Variants in KLHDC1 observed in about 807,000 individuals in gnomAD.
The protein encoded by KLHDC1 is kelch domain containing 1.
KLHDC1 carries 53 observed loss-of-function variants against 68.3 expected under a neutral mutation model. The observed-to-expected ratio is 0.78, with a 90% CI of 0.62 to 0.98. The LOEUF is 0.98. Ranked by LOEUF, KLHDC1 falls within the 50% of genes least tolerant of loss-of-function variation. KLHDC1 has a pLI of 0.00. For synonymous variants in KLHDC1, 148 were observed against 159.0 expected (o/e 0.93, Z 0.52); for missense variants, 470 against 492.3 (o/e 0.95, Z 0.43).
At chr14:49,707,740 T>C (rs1888095637) in intron 1 of KLHDC1, 2 of 143,644 alleles carry the variant, frequency 1.4e-5, no homozygotes, top group Admixed American at 1.5e-4. Context: ...AGCCTCGAAC[T>C]CCTGAGCTCC....
chr14:49,741,542 A>G (rs562221514), intron 11 of KLHDC1, among the ~76,000 whole-genome samples: 2 of 152,146 alleles, frequency 1.3e-5, no homozygotes, highest in African/African-American at 2.4e-5. Context: ...CCTGACCTCA[A>G]GTGATCCACT....
At chr14:49,713,875 C>G (rs1358927378) in intron 4 of KLHDC1, among the ~76,000 whole-genome samples, 1 of 71,588 alleles carries the variant, frequency 1.4e-5, no homozygotes, top group African/African-American at 4.9e-5. Flanking sequence ...TTTCCTGAGA[C>G]AGAGTCTCAC....
At chr14:49,696,847 T>TG (rs60295089) in intron 1 of KLHDC1, among the ~76,000 whole-genome samples, 2 of 151,616 alleles carry the variant, frequency 1.3e-5, no homozygotes, top group East Asian at 3.9e-4. Flanking sequence ...TAAGCTTAAT[T>TG]TCTAGCTTTT....
chr14:49,709,915 G>GAT (rs964481487), intron 3 of KLHDC1, 89 bp downstream of exon 3: 4 of 680,634 alleles, frequency 5.9e-6, no homozygotes, highest in African/African-American at 5.7e-5. Context: ...TTAAAAAGAA[G>GAT]ATATATATAG....
intron 12 of KLHDC1, among the ~76,000 whole-genome samples, chr14:49,750,573 T>A (rs563635338): frequency 1.3e-5 from 2 of 152,078 alleles, no homozygotes; most frequent in Admixed American, 1.3e-4. Context: ...ATCTCTAGAG[T>A]ATAAGTGCTT....
chr14:49,733,521 G>C (rs1461301175), intron 9 of KLHDC1, among the ~76,000 whole-genome samples: 1 of 150,248 alleles, frequency 6.7e-6, no homozygotes, highest in African/African-American at 2.5e-5. Context: ...TCCACCTCCC[G>C]GGTTCAAGCG....
intron 1 of KLHDC1, among the ~76,000 whole-genome samples, chr14:49,706,500 A>G (rs936578541): frequency 2.8e-4 from 42 of 152,186 alleles, no homozygotes; most frequent in African/African-American, 1.0e-3. Flanking sequence ...TATACCTAGC[A>G]GTGGGGGTGC....
At chr14:49,731,477 A>T (rs867137820) in intron 8 of KLHDC1, among the ~76,000 whole-genome samples, 54 of 150,960 alleles carry the variant, frequency 3.6e-4, no homozygotes, top group Non-Finnish European at 4.4e-4. Flanking sequence ...TTATTTATTT[A>T]TTTTTTTTGG....
intron 5 of KLHDC1, among the ~76,000 whole-genome samples, chr14:49,724,174 C>T (rs1484585098): frequency 6.6e-6 from 1 of 152,098 alleles, no homozygotes; most frequent in Non-Finnish European, 1.5e-5. Flanking sequence ...AATTTCTTTT[C>T]TTATATCGTT....
chr14:49,720,039 T>G (rs1220423689), intron 4 of KLHDC1, among the ~76,000 whole-genome samples: 1 of 150,768 alleles, frequency 6.6e-6, no homozygotes, highest in South Asian at 2.1e-4. Flanking sequence ...CAGGCTGGAG[T>G]GCAGTGGCGC....
intron 9 of KLHDC1, among the ~76,000 whole-genome samples, chr14:49,733,920 T>G (rs1888874350): frequency 6.6e-6 from 1 of 152,232 alleles, no homozygotes; most frequent in East Asian, 1.9e-4. Context: ...CAACAGTTCC[T>G]AGTAGGAGAT....
At chr14:49,694,032 A>G (rs963971417) in intron 1 of KLHDC1, among the ~76,000 whole-genome samples, 2 of 152,064 alleles carry the variant, frequency 1.3e-5, no homozygotes, top group Non-Finnish European at 2.9e-5. Flanking sequence ...GATTACAGGC[A>G]TTAGCCACTG....
At chr14:49,694,314 C>G (rs1017588437) in intron 1 of KLHDC1, among the ~76,000 whole-genome samples, 1 of 152,042 alleles carries the variant, frequency 6.6e-6, no homozygotes, top group East Asian at 1.9e-4. Context: ...CTTAAGCCAT[C>G]TGGAAGTTCT....
At chr14:49,744,350 GTT>G (rs1284447080) in intron 12 of KLHDC1, among the ~76,000 whole-genome samples, 2 of 151,862 alleles carry the variant, frequency 1.3e-5, no homozygotes, top group African/African-American at 4.8e-5. Context: ...TACAGTCACT[GTT>G]TTGTTTGTAA....
intron 1 of KLHDC1, among the ~76,000 whole-genome samples, chr14:49,705,755 C>T (rs1419913564): frequency 6.6e-6 from 1 of 152,110 alleles, no homozygotes; most frequent in African/African-American, 2.4e-5. Context: ...AGCTCCCCTT[C>T]TTATAATTAT....
intron 12 of KLHDC1, among the ~76,000 whole-genome samples, chr14:49,748,575 T>C (rs950767829): frequency 6.6e-6 from 1 of 151,956 alleles, no homozygotes; most frequent in Non-Finnish European, 1.5e-5. Flanking sequence ...ATCATGTTCA[T>C]CTTACCTTTG....
intron 12 of KLHDC1, among the ~76,000 whole-genome samples, chr14:49,749,677 C>CAAA (rs1191978580): frequency 1.9e-5 from 1 of 53,740 alleles, no homozygotes; most frequent in African/African-American, 6.7e-5. Context: ...GACTCCGTCT[C>CAAA]AAAAAAAAAA....
At chr14:49,711,918 T>C (rs1411907113) in intron 4 of KLHDC1, among the ~76,000 whole-genome samples, 14 of 123,436 alleles carry the variant, frequency 1.1e-4, no homozygotes, top group African/African-American at 4.4e-4. Flanking sequence ...TTCTTTTTTT[T>C]TTTTTTTTTT....
At chr14:49,702,122 C>G (rs536890397) in intron 1 of KLHDC1, among the ~76,000 whole-genome samples, 88 of 143,230 alleles carry the variant, frequency 6.1e-4, no homozygotes, top group African/African-American at 2.2e-3. Context: ...GAGCCGAGAT[C>G]ACACCATTGC....
Sources: allele counts gnomAD v4.1 joint callset (sites outside exome capture counted in the v4.1 genomes callset), GRCh38; gene constraint gnomAD v4.1.1; transcripts MANE v1.5; gene names NCBI Gene and HGNC (gene_info 2026-07-23, HGNC 2026-07-21).